PTPRM: variants seen among roughly 807,000 people sequenced by gnomAD.
PTPRM encodes protein tyrosine phosphatase receptor type M, also known as receptor-type tyrosine-protein phosphatase mu.
A neutral mutation model predicts 186.7 loss-of-function variants in PTPRM; 47 were observed. That is an observed-to-expected ratio of 0.25 (90% CI 0.20 to 0.32). The LOEUF is 0.32. Ranked by LOEUF, PTPRM falls within the 10% of genes least tolerant of loss-of-function variation. PTPRM has a pLI of 1.00. For missense variants in PTPRM, 1,494 were observed against 1,865.0 expected (o/e 0.80, Z 3.66); for synonymous variants, 668 against 674.9 (o/e 0.99, Z 0.16).
At chr18:8,011,657 G>T (rs557056578) in intron 7 of PTPRM, among the ~76,000 whole-genome samples, 2 of 152,136 alleles carry the variant, frequency 1.3e-5, no homozygotes, top group African/African-American at 4.8e-5. Context: ...CAATGCAAAG[G>T]CAGACTTTAG....
intron 14 of PTPRM, among the ~76,000 whole-genome samples, chr18:8,215,963 A>C (rs1601280806): frequency 6.6e-6 from 1 of 152,146 alleles, no homozygotes; most frequent in Non-Finnish European, 1.5e-5. Context: ...GTCTGTCAAT[A>C]ACCAGGTTTC....
intron 14 of PTPRM, among the ~76,000 whole-genome samples, chr18:8,144,931 A>G (rs901618775): frequency 2.0e-5 from 3 of 152,120 alleles, no homozygotes; most frequent in Non-Finnish European, 4.4e-5. Flanking sequence ...GTAAAGGTGG[A>G]GAGGTTGGCA....
chr18:8,378,325 G>A lies in PTPRM; in HGVS notation c.3523G>A (p.Val1175Met), dbSNP rs1290561945. The A allele has an allele frequency of 6.2e-7, 1 of 1,613,134 alleles. No homozygotes were observed. The highest frequency in any genetic ancestry group is 1.3e-5 in the African/African-American group (1 of 75,020). ...AGCCTGTCTTTGTGGGGACACCTCT[G>A]TGCCTGCTTCCCAAGTTAGGTCTCT... ...LEACLCGDTS[V>M]PASQVRSLYY... is the part of the protein sequence containing the mutation. The change falls in exon 27 of 33, where the codon GTG becomes ATG. Residue 1175 changes from valine (V) to methionine (M), a missense_variant. Val to Met is a conservative substitution (Grantham distance 21, BLOSUM62 1). This residue lies in a region of PTPRM where 1,107 missense variants were observed against 1,350.2 expected (regional missense o/e 0.82). Transcript: ENST00000580170.
chr18:8,196,974 G>A (rs979219287), intron 14 of PTPRM, among the ~76,000 whole-genome samples: 2 of 152,214 alleles, frequency 1.3e-5, no homozygotes, highest in African/African-American at 4.8e-5. Context: ...AGTTTTGACT[G>A]TGTCTGGGTA....
At chr18:7,813,741 T>C (rs2044655276) in intron 2 of PTPRM, among the ~76,000 whole-genome samples, 1 of 152,184 alleles carries the variant, frequency 6.6e-6, no homozygotes, top group Admixed American at 6.5e-5. Context: ...GTCTTAACTT[T>C]TTTTTTCACA....
At chr18:8,338,372 TA>T (rs5823000) in intron 22 of PTPRM, among the ~76,000 whole-genome samples, 1 of 148,076 alleles carries the variant, frequency 6.8e-6, no homozygotes, top group African/African-American at 2.5e-5. Context: ...TTGTAATGCT[TA>T]AAAAAAAAAC....
chr18:7,687,532 T>C (rs567761676), intron 1 of PTPRM, among the ~76,000 whole-genome samples: 4 of 152,340 alleles, frequency 2.6e-5, no homozygotes, highest in Admixed American at 2.6e-4. Flanking sequence ...GCTACCATAG[T>C]TGCTTTAGGA....
At chr18:7,986,903 C>T (rs1273051200) in intron 7 of PTPRM, among the ~76,000 whole-genome samples, 2 of 152,112 alleles carry the variant, frequency 1.3e-5, no homozygotes, top group African/African-American at 4.8e-5. Flanking sequence ...GATTAGGATA[C>T]AGGCATTGTA....
intron 4 of PTPRM, among the ~76,000 whole-genome samples, chr18:7,923,625 G>C (rs2050998954): frequency 6.6e-6 from 1 of 152,138 alleles, no homozygotes; most frequent in African/African-American, 2.4e-5. Context: ...CAAAAGATTG[G>C]GGAGTGGTTT....
intron 2 of PTPRM, among the ~76,000 whole-genome samples, chr18:7,874,410 A>G (rs2048128003): frequency 6.6e-6 from 1 of 152,212 alleles, no homozygotes; most frequent in Non-Finnish European, 1.5e-5. Flanking sequence ...TTGTTTTTAT[A>G]TTCTGAGAGC....
intron 14 of PTPRM, among the ~76,000 whole-genome samples, chr18:8,235,690 G>A (rs2094338160): frequency 6.6e-6 from 1 of 151,072 alleles, no homozygotes; most frequent in Non-Finnish European, 1.5e-5. Flanking sequence ...GTTTCTTTTT[G>A]TCTAATATGT....
At chr18:8,280,339 C>G (rs2094887810) in intron 19 of PTPRM, among the ~76,000 whole-genome samples, 1 of 148,112 alleles carries the variant, frequency 6.8e-6, no homozygotes, top group African/African-American at 2.5e-5. Flanking sequence ...GCCCCATCTC[C>G]AAATACAGTC....
At chr18:7,750,246 G>C (rs569760179) in intron 1 of PTPRM, among the ~76,000 whole-genome samples, 2 of 151,850 alleles carry the variant, frequency 1.3e-5, no homozygotes, top group African/African-American at 4.8e-5. Context: ...TCCTCTTTTC[G>C]CTTTTACATT....
At chr18:8,299,984 G>T (rs1396103560) in intron 20 of PTPRM, among the ~76,000 whole-genome samples, 1 of 152,112 alleles carries the variant, frequency 6.6e-6, no homozygotes, top group Non-Finnish European at 1.5e-5. Context: ...CTGAACTTGG[G>T]ATCAATTTTT....
chr18:7,801,568 A>T (rs1187697089), intron 2 of PTPRM, among the ~76,000 whole-genome samples: 1 of 152,178 alleles, frequency 6.6e-6, no homozygotes, highest in Non-Finnish European at 1.5e-5. Flanking sequence ...AAATAACAAC[A>T]AAAGTATAGT....
At chr18:8,331,600 AT>A (rs2095412618) in intron 22 of PTPRM, among the ~76,000 whole-genome samples, 1 of 152,248 alleles carries the variant, frequency 6.6e-6, no homozygotes, top group African/African-American at 2.4e-5. Flanking sequence ...ATATCTCTCA[AT>A]AGCAGAGAAG....
chr18:7,824,227 C>T (rs988632941), intron 2 of PTPRM, among the ~76,000 whole-genome samples: 4 of 152,184 alleles, frequency 2.6e-5, no homozygotes, highest in Non-Finnish European at 5.9e-5. Flanking sequence ...GAGTTAGTCC[C>T]ACTTTCCTGT....
chr18:8,205,652 T>C (rs1217359673), intron 14 of PTPRM, among the ~76,000 whole-genome samples: 4 of 152,236 alleles, frequency 2.6e-5, no homozygotes, highest in Non-Finnish European at 5.9e-5. Flanking sequence ...GTTCAGTGGA[T>C]ATCATGCCTG....
intron 19 of PTPRM, chr18:8,269,884 A>G (rs1013503014): frequency 6.6e-6 from 1 of 152,024 alleles, no homozygotes; most frequent in Non-Finnish European, 1.5e-5. Context: ...ACTTAACTTG[A>G]AATTCTTCAA....
Sources: gnomAD v4.1 joint callset for allele counts (sites outside exome capture counted in the v4.1 genomes callset) on GRCh38, gnomAD v4.1.1 for gene constraint, gnomAD v4.1.1 regional missense constraint, MANE v1.5 for transcripts, NCBI Gene and HGNC (gene_info 2026-07-23, HGNC 2026-07-21) for gene names.